The following SLCO1B1 variants were observed in gnomAD, a reference collection of about 807,000 sequenced individuals.
The protein encoded by SLCO1B1 is OATP-2.
In SLCO1B1, 81 loss-of-function variants were observed where a neutral mutation model predicts 70.1. The ratio of observed to expected loss-of-function variants is 1.16; its 90% confidence interval spans 0.97 to 1.39. The LOEUF is 1.39. SLCO1B1 is among the 40% of genes most tolerant of loss of function. SLCO1B1 has a pLI of 0.00. For synonymous variants in SLCO1B1, 283 were observed against 271.5 expected (o/e 1.04, Z -0.42); for missense variants, 895 against 799.6 (o/e 1.12, Z -1.44).
chr12:21,157,145 T>G (rs560899218), intron 2 of SLCO1B1, among the ~76,000 whole-genome samples: 1 of 152,240 alleles, frequency 6.6e-6, no homozygotes, highest in East Asian at 1.9e-4. Flanking sequence ...TTCATCTTTA[T>G]AAGGTTAGCA....
intron 11 of SLCO1B1, among the ~76,000 whole-genome samples, chr12:21,207,595 C>T (rs1941229384): frequency 6.6e-6 from 1 of 151,778 alleles, no homozygotes; most frequent in South Asian, 2.1e-4. Context: ...GCTGTGATGA[C>T]CATAGAAGTA....
chr12:21,200,508 GT>G lies in SLCO1B1; in HGVS notation c.977del (p.Phe326SerfsTer19), dbSNP rs763545439. ...QGKNITKNVTGFFQSFKSILT... is the reference protein window; with the variant it reads ...QGKNITKNVTXFFQSFKSILT... ...TTTCTTTATTTTTACAATTTTACAG[GT>G]TTTTTCCAGTCTTTTAAAAGCATCC... On this transcript the variant is annotated frameshift_variant and splice_region_variant, in exon 9 of 15. Transcript: ENST00000256958. LOFTEE classifies it high-confidence loss of function. 1 of 1,556,194 alleles carries G rather than the reference GT, an allele frequency of 6.4e-7. No individual in the cohort carries two copies.
chr12:21,149,375 C>G (rs1028550797), intron 2 of SLCO1B1, among the ~76,000 whole-genome samples: 1 of 152,052 alleles, frequency 6.6e-6, no homozygotes, highest in Non-Finnish European at 1.5e-5. Flanking sequence ...ATAGATAGCT[C>G]TTATTATTTT....
chr12:21,234,050 G>A (rs911452742), intron 14 of SLCO1B1, among the ~76,000 whole-genome samples: 1 of 152,212 alleles, frequency 6.6e-6, no homozygotes, highest in African/African-American at 2.4e-5. Context: ...AGCCAGCTGT[G>A]CAGTACACCA....
chr12:21,226,107 A>T (rs1414766223), intron 14 of SLCO1B1, among the ~76,000 whole-genome samples: 1 of 152,228 alleles, frequency 6.6e-6, no homozygotes, highest in African/African-American at 2.4e-5. Flanking sequence ...AGCTAAGTGA[A>T]AGAAGGCAGT....
Position 21,141,067 on chromosome 12 carries a change from A to G in SLCO1B1, c.-61-447A>G, listed in dbSNP as rs74068913. ...ATAAAACTGAGGCCATTCTAATTTAATTCTTTATATTATTTTTGTATCTGT... is the reference window on the plus strand; with the variant it reads ...ATAAAACTGAGGCCATTCTAATTTAGTTCTTTATATTATTTTTGTATCTGT... On this transcript the variant is annotated intron_variant, in intron 1 of 14. Transcript: ENST00000256958. Among the ~76,000 whole-genome samples the G allele has an allele frequency of 7.4e-3, 1,128 of 151,918 alleles. 13 individuals are homozygous for G. Among genetic ancestry groups the G allele is most frequent in the African/African-American group, 0.026 (1,067 of 41,502 alleles).
intron 11 of SLCO1B1, among the ~76,000 whole-genome samples, chr12:21,213,091 ATT>A (rs1018212425): frequency 6.6e-6 from 1 of 151,540 alleles, no homozygotes; most frequent in African/African-American, 2.4e-5. Context: ...TTATGTGTGA[ATT>A]TGATCCTGTC....
chr12:21,211,520 C>A (rs1042971857), intron 11 of SLCO1B1, among the ~76,000 whole-genome samples: 3 of 152,190 alleles, frequency 2.0e-5, no homozygotes, highest in Non-Finnish European at 4.4e-5. Context: ...GTCTAAGATT[C>A]TCTTTTTTTG....
intron 12 of SLCO1B1, among the ~76,000 whole-genome samples, chr12:21,217,905 A>C (rs1422854007): frequency 6.6e-6 from 1 of 152,182 alleles, no homozygotes; most frequent in African/African-American, 2.4e-5. Flanking sequence ...AGCTTTCAAA[A>C]TTACAGGAAA....
intron 1 of SLCO1B1, among the ~76,000 whole-genome samples, chr12:21,139,194 T>A (rs3829309): frequency 0.46 from 70,401 of 151,724 alleles, 17,155 homozygotes; most frequent in South Asian, 0.67. Flanking sequence ...ATAATTTTTT[T>A]AAAAAAAGAT....
intron 4 of SLCO1B1, 124 bp from the exon 5 acceptor site, chr12:21,176,652 A>G (rs1940824453): frequency 1.3e-6 from 1 of 750,890 alleles, no homozygotes; most frequent in Non-Finnish European, 2.3e-6. Flanking sequence ...AATTGACAGA[A>G]AGTACTCTGG....
Position 21,238,993 on chromosome 12 carries a change from G to A in SLCO1B1, c.1880G>A (p.Gly627Asp), listed in dbSNP as rs1317719180. ...TATTTCTACAGAAGGGTCTACTTGGGCTTGTCTTCAATGTTAAGAGTCTCA... is the reference window on the plus strand; with the variant it reads ...TATTTCTACAGAAGGGTCTACTTGGACTTGTCTTCAATGTTAAGAGTCTCA... Reference protein sequence around the residue: ...NSTSFSRVYLGLSSMLRVSSL... With the variant: ...NSTSFSRVYLDLSSMLRVSSL... The change falls in exon 15 of 15, where the codon GGC becomes GAC. Residue 627 changes from glycine (G) to aspartate (D), a missense_variant. Gly to Asp is a moderately conservative substitution (Grantham distance 94). Transcript: ENST00000256958. The A allele has an allele frequency of 1.3e-6, 2 of 1,571,248 alleles. No individual in the cohort carries two copies. Among genetic ancestry groups the A allele is most frequent in the Non-Finnish European group, 1.7e-6 (2 of 1,144,518 alleles).
At chr12:21,158,218 A>G (rs1017406811) in intron 2 of SLCO1B1, among the ~76,000 whole-genome samples, 1 of 152,202 alleles carries the variant, frequency 6.6e-6, no homozygotes, top group Non-Finnish European at 1.5e-5. Context: ...TAAGTAAAGT[A>G]ATAGCTATTA....
At chr12:21,175,377 C>G (rs1940807108) in intron 4 of SLCO1B1, among the ~76,000 whole-genome samples, 1 of 152,108 alleles carries the variant, frequency 6.6e-6, no homozygotes, top group African/African-American at 2.4e-5. Context: ...AGCAAAATAT[C>G]TCTACTGACT....
intron 7 of SLCO1B1, among the ~76,000 whole-genome samples, chr12:21,188,623 C>T (rs576171566): frequency 1.3e-5 from 2 of 152,112 alleles, no homozygotes; most frequent in African/African-American, 4.8e-5. Flanking sequence ...TTAACACCAT[C>T]CCCCTTGATG....
In SLCO1B1 at chr12:21,230,416, C is replaced by T. The variant is rs142770558; in HGVS notation, c.1865+5577C>T. Among the ~76,000 whole-genome samples, 666 of 150,380 alleles carry T rather than the reference C, an allele frequency of 4.4e-3. 4 individuals are homozygous for T. The highest frequency in any genetic ancestry group is 0.015 in the African/African-American group (630 of 40,852). On this transcript the variant is annotated intron_variant, in intron 14 of 14. Coordinates refer to ENST00000256958, the MANE Select transcript of SLCO1B1 (RefSeq NM_006446.5). ...TGCGATCATGGCTCACCGCAACCTC[C>T]GCTTCCCAGGTTCAAGCGATTCTCC...
At position 21,178,729 on chromosome 12, in the gene SLCO1B1, T is replaced by C. The variant is rs200268889; in HGVS notation, c.628+7T>C. The C allele has an allele frequency of 7.0e-5, 111 of 1,594,718 alleles. No individual in the cohort carries two copies. The highest frequency in any genetic ancestry group is 9.2e-5 in the Non-Finnish European group (107 of 1,162,570). On this transcript the variant is annotated splice_region_variant and intron_variant, in intron 6 of 14. Coordinates refer to ENST00000256958, the MANE Select transcript of SLCO1B1 (RefSeq NM_006446.5). ...CATTCTTCTTTGTATTTAGGTAATG[T>C]ACACAAAATATTAAATTGTATGATC...
chr12:21,181,248 CTG>C (rs1319382123), intron 7 of SLCO1B1, among the ~76,000 whole-genome samples: 1 of 152,176 alleles, frequency 6.6e-6, no homozygotes, highest in Non-Finnish European at 1.5e-5. Flanking sequence ...ATTTTTAAGA[CTG>C]TGAGTGAGCC....
intron 14 of SLCO1B1, among the ~76,000 whole-genome samples, chr12:21,225,064 G>A (rs981953781): frequency 6.6e-6 from 1 of 151,976 alleles, no homozygotes; most frequent in African/African-American, 2.4e-5. Context: ...AAGAAACTGT[G>A]ATTCAAGGAT....
Sources: allele counts gnomAD v4.1 joint callset (sites outside exome capture counted in the v4.1 genomes callset), GRCh38; gene constraint gnomAD v4.1.1; transcripts MANE v1.5; gene names NCBI Gene and HGNC (gene_info 2026-07-23, HGNC 2026-07-21).